CEP43: variants seen among roughly 807,000 people sequenced by gnomAD.
CEP43 encodes centrosomal protein 43.
In CEP43, 36 loss-of-function variants were observed where a neutral mutation model predicts 52.6. The ratio of observed to expected loss-of-function variants is 0.68; its 90% CI spans 0.52 to 0.90. CEP43 has a LOEUF of 0.90. Ranked by LOEUF, CEP43 falls within the 40% of genes least tolerant of loss-of-function variation. CEP43 has a pLI of 0.00. For missense variants in CEP43, 506 were observed against 472.8 expected (o/e 1.07, Z -0.65); for synonymous variants, 192 against 172.4 (o/e 1.11, Z -0.89).
intron 1 of CEP43, 116 bp downstream of exon 1, chr6:166,999,630 G>A: frequency 1.4e-6 from 1 of 701,488 alleles, no homozygotes; most frequent in Non-Finnish European, 2.1e-6. Context: ...GGGGCCGGCG[G>A]GCACTGGGGG....
Position 167,045,230 on chromosome 6 carries a change from A to C in CEP43, c.*5252A>C, listed in dbSNP as rs1228847397. 6.6e-6 allele frequency: 1 copy of C among 151,504 alleles called. No individual in the cohort carries two copies. Among genetic ancestry groups the C allele is most frequent in the East Asian group, 2.0e-4 (1 of 5,100 alleles). 9.4% of individuals were successfully genotyped at this position (151,504 alleles called of 1,614,324 possible). Reference sequence around the variant, plus strand: ...ATTCTCCTGCCTCAGCCTCCTGAGTAGCTGGGATTACAGATGTGTTTCACC... The same window carrying C: ...ATTCTCCTGCCTCAGCCTCCTGAGTCGCTGGGATTACAGATGTGTTTCACC... On this transcript the variant is annotated 3_prime_UTR_variant, in exon 13 of 13. Transcript: ENST00000366847.
In CEP43 at chr6:167,049,254, A is replaced by G. The variant is rs1471504385; in HGVS notation, c.*9276A>G. The G allele has an allele frequency of 1.3e-5, 2 of 152,216 alleles. No individual in the cohort carries two copies. The highest frequency in any genetic ancestry group is 1.9e-4 in the East Asian group (1 of 5,202). The allele number at this position is 152,216 out of a possible 1,614,324, so 9.4% of individuals were successfully genotyped here. ...ATATACTTTTGTATTCACTTTCGAA[A>G]AGAAGGCAACTCTAAATTTTATGAA... On this transcript the variant is annotated 3_prime_UTR_variant, in exon 13 of 13. Transcript: ENST00000366847.
intron 5 of CEP43, among the ~76,000 whole-genome samples, chr6:167,005,658 T>C (rs962849434): frequency 6.6e-6 from 1 of 152,184 alleles, no homozygotes; most frequent in African/African-American, 2.4e-5. Context: ...ATTTCATTCC[T>C]TCATTTATCA....
intron 9 of CEP43, among the ~76,000 whole-genome samples, chr6:167,026,165 C>T (rs1271952256): frequency 6.6e-6 from 1 of 152,282 alleles, no homozygotes; most frequent in East Asian, 1.9e-4. Context: ...GAGTTCGAGA[C>T]CAGCCTATCC....
intron 6 of CEP43, 86 bp downstream of exon 6, chr6:167,010,979 A>G (rs1779971523): frequency 2.8e-6 from 2 of 710,548 alleles, no homozygotes; most frequent in Non-Finnish European, 4.5e-6. Context: ...TCTTGTTACA[A>G]GTTGTATTGT....
chr6:167,028,907 T>A (rs1391250780), intron 10 of CEP43, among the ~76,000 whole-genome samples: 1 of 152,234 alleles, frequency 6.6e-6, no homozygotes, highest in Non-Finnish European at 1.5e-5. Context: ...TATTTTAGTT[T>A]GGCAGACAAA....
rs1053871960 is a variant in CEP43, at chr6:167,026,438, T to C, written c.920-109T>C. Reference sequence around the variant, plus strand: ...TTTTTTCCTTAGTTTTAGGTTATTATGCTCCTGTCATAAAGAAGCCCCATA... The same window carrying C: ...TTTTTTCCTTAGTTTTAGGTTATTACGCTCCTGTCATAAAGAAGCCCCATA... On this transcript the variant is annotated intron_variant, in intron 9 of 12. Transcript: ENST00000366847. The C allele has an allele frequency of 1.5e-5, 11 of 715,270 alleles. No individual in the cohort carries two copies. The African/African-American group carries it at 1.9e-4, about 13-fold the overall frequency. 44.3% of individuals were successfully genotyped at this position (715,270 alleles called of 1,614,324 possible).
In CEP43 at chr6:167,049,331, A is replaced by C. The variant is rs1230141863; in HGVS notation, c.*9353A>C. 6.6e-6 allele frequency: 1 copy of C among 152,250 alleles called. No homozygotes were observed. Among genetic ancestry groups the C allele is most frequent in the Admixed American group, 6.5e-5 (1 of 15,290 alleles). The allele number at this position is 152,250 out of a possible 1,614,324, so 9.4% of individuals were successfully genotyped here. ...CAGTAAATTTTGAAAAATTCACCCC[A>C]AAAAGAAACCTTGTATCCATTGGCA... On this transcript the variant is annotated 3_prime_UTR_variant, in exon 13 of 13. Coordinates refer to ENST00000366847, the MANE Select transcript of CEP43 (RefSeq NM_007045.4).
chr6:167,006,054 G>T (rs1763349201), intron 5 of CEP43, among the ~76,000 whole-genome samples: 1 of 152,126 alleles, frequency 6.6e-6, no homozygotes, highest in Admixed American at 6.6e-5. Context: ...GCCTCCGTGT[G>T]CCCAGGTTCC....
rs1491175664 is a variant in CEP43 at position 167,033,128 on chromosome 6, T to TG, written c.1028+487dup. ...TTTTTTTTTTTTTTTTTTTTTTTTTTGAGACAGAGTCTCACTCTGTTGCCC... is the reference window on the plus strand; with the variant it reads ...TTTTTTTTTTTTTTTTTTTTTTTTTTGGAGACAGAGTCTCACTCTGTTGCCC... On this transcript the variant is annotated intron_variant, in intron 11 of 12. Coordinates refer to ENST00000366847, the MANE Select transcript of CEP43 (RefSeq NM_007045.4). Among the ~76,000 whole-genome samples the TG allele has an allele frequency of 5.6e-3, 452 of 80,990 alleles. 1 individual carries two copies. Among genetic ancestry groups the TG allele is most frequent in the Middle Eastern group, 0.024 (3 of 124 alleles). 53.1% of individuals were successfully genotyped at this position (80,990 alleles called of 152,430 possible).
intron 5 of CEP43, among the ~76,000 whole-genome samples, chr6:167,008,677 G>A (rs988463336): frequency 7.9e-5 from 12 of 151,606 alleles, no homozygotes; most frequent in Non-Finnish European, 1.3e-4. Context: ...GGGTTTCACC[G>A]TGTTAGCCAG....
chr6:167,027,968 G>T, intron 10 of CEP43: 1 of 986,090 alleles, frequency 1.0e-6, no homozygotes, highest in Non-Finnish European at 1.2e-6. Context: ...CTCTTTGTGC[G>T]TCCTGGTTGC....
chr6:167,019,416 T>A (rs1487414265), intron 7 of CEP43, among the ~76,000 whole-genome samples: 1 of 152,258 alleles, frequency 6.6e-6, no homozygotes, highest in African/African-American at 2.4e-5. Context: ...ATGACAAATC[T>A]TTCTCCTCTT....
intron 12 of CEP43, among the ~76,000 whole-genome samples, chr6:167,038,982 C>T (rs903323926): frequency 2.0e-5 from 3 of 152,184 alleles, no homozygotes; most frequent in Middle Eastern, 3.4e-3. Context: ...CCCCAAAGTC[C>T]ATTGTATCAT....
intron 7 of CEP43, among the ~76,000 whole-genome samples, chr6:167,020,133 T>A (rs1780191949): frequency 6.6e-6 from 1 of 152,264 alleles, no homozygotes; most frequent in Non-Finnish European, 1.5e-5. Context: ...CTATATTTGA[T>A]AATACCAGGA....
In CEP43 at chr6:167,004,851, A is replaced by G. The variant is rs1364279908; in HGVS notation, c.438+450A>G. Among the ~76,000 whole-genome samples the G allele has an allele frequency of 5.3e-5, 8 of 152,220 alleles. No individual in the cohort carries two copies. The East Asian group carries it at 1.5e-3, about 29-fold the overall frequency. On this transcript the variant is annotated intron_variant, in intron 5 of 12. Transcript: ENST00000366847. ...GGCTGATTTATAGGATAGTTAATAA[A>G]TTTTTGGACTTAAAGGCCTCTTTAG...
chr6:167,029,687 T>C (rs1024963600), intron 10 of CEP43, among the ~76,000 whole-genome samples: 1 of 152,266 alleles, frequency 6.6e-6, no homozygotes, highest in African/African-American at 2.4e-5. Context: ...AGTAAATATC[T>C]TTGTCTCATG....
At position 167,049,481 on chromosome 6, in the gene CEP43, C is replaced by G. The variant is rs549268995; in HGVS notation, c.*9503C>G. ...TTATACACTATGTGGCCTTTTATGA[C>G]TGGCTTCTTTCACTTAGCATAATGT... On this transcript the variant is annotated 3_prime_UTR_variant, in exon 13 of 13. Coordinates refer to ENST00000366847, the MANE Select transcript of CEP43 (RefSeq NM_007045.4). The G allele has an allele frequency of 3.3e-5, 5 of 152,344 alleles. No individual in the cohort carries two copies. The South Asian group carries it at 8.3e-4, about 25-fold the overall frequency. The allele number at this position is 152,344 out of a possible 1,614,324, so 9.4% of individuals were successfully genotyped here.
chr6:167,036,793 ATTAG>A (rs1396492873), intron 12 of CEP43: 2 of 983,986 alleles, frequency 2.0e-6, no homozygotes, highest in African/African-American at 1.7e-5. Context: ...AGCCGCCTTT[ATTAG>A]TTTTGTTTTT....
Sources: gnomAD v4.1 joint callset for allele counts (sites outside exome capture counted in the v4.1 genomes callset) on GRCh38, gnomAD v4.1.1 for gene constraint, MANE v1.5 for transcripts, NCBI Gene and HGNC (gene_info 2026-07-23, HGNC 2026-07-21) for gene names.